The following NOS1 variants were observed in gnomAD, a reference collection of about 807,000 sequenced individuals.
The protein encoded by NOS1 is nitric oxide synthase 1, also known as NOS type I.
A neutral mutation model predicts 164.5 loss-of-function variants in NOS1; 51 were observed. That is an observed-to-expected ratio of 0.31 (90% CI 0.25 to 0.39). The LOEUF is 0.39. Ranked by LOEUF, NOS1 falls within the 10% of genes least tolerant of loss-of-function variation. The pLI is 1.00. For missense variants in NOS1, 1,362 were observed against 1,885.6 expected, an observed-to-expected ratio of 0.72 and a Z score of 5.14; for synonymous variants, 719 against 745.8, an observed-to-expected ratio of 0.96 and a Z score of 0.59.
intron 1 of NOS1, among the ~76,000 whole-genome samples, chr12:117,350,842 G>A (rs534236279): frequency 5.0e-4 from 76 of 152,186 alleles, no homozygotes; most frequent in Non-Finnish European, 6.9e-4. Flanking sequence ...GGCCGGGTGC[G>A]GTGGCTCAAG....
At chr12:117,231,762 T>C (rs765963582) in intron 22 of NOS1, among the ~76,000 whole-genome samples, 200 bp downstream of exon 22, 3 of 151,882 alleles carry the variant, frequency 2.0e-5, no homozygotes, top group African/African-American at 7.3e-5. Flanking sequence ...TTCAAGGGAG[T>C]CACTCTTGCT....
In NOS1 at chr12:117,226,747, C is replaced by T. The variant is rs765724703; in HGVS notation, c.3640G>A (p.Gly1214Ser). The change falls in exon 24 of 29, where the codon GGC (glycine) becomes AGC (serine). Residue 1214 changes from glycine (G) to serine (S), a missense_variant. Gly to Ser is a moderately conservative substitution (Grantham distance 56, BLOSUM62 0). Transcript: ENST00000317775. ...TRDGEGPIHH[G>S]VCSSWLNRIQ... ...CGGTTGAGCCAGGAGGAGCATACGCCGTGGTGAATTGGTCCTTCTCCATCT... is the reference window on the plus strand; with the variant it reads ...CGGTTGAGCCAGGAGGAGCATACGCTGTGGTGAATTGGTCCTTCTCCATCT... 2 of 1,613,960 alleles carry T rather than the reference C, an allele frequency of 1.2e-6. No homozygotes were observed. Among genetic ancestry groups the T allele is most frequent in the South Asian group, 1.1e-5 (1 of 91,064 alleles).
chr12:117,261,441 T>C (rs749952106), intron 13 of NOS1, among the ~76,000 whole-genome samples: 6 of 151,924 alleles, frequency 3.9e-5, no homozygotes, highest in Admixed American at 6.6e-5. Context: ...GCAGCTGTCA[T>C]AGGGCTCATA....
chr12:117,329,972 C>G (rs1489920310), intron 2 of NOS1, among the ~76,000 whole-genome samples: 3 of 152,308 alleles, frequency 2.0e-5, no homozygotes, highest in East Asian at 3.9e-4. Context: ...TAGGCAACCT[C>G]AGGAAGGGCA....
intron 2 of NOS1, among the ~76,000 whole-genome samples, chr12:117,314,529 A>G (rs1874586452): frequency 6.6e-6 from 1 of 152,234 alleles, no homozygotes; most frequent in Admixed American, 6.5e-5. Flanking sequence ...GGGTTATGTA[A>G]GTTTCCCAAG....
chr12:117,258,946 G>T, intron 15 of NOS1, 80 bp downstream of exon 15: 1 of 934,094 alleles, frequency 1.1e-6, no homozygotes. Context: ...AATAGCAGGT[G>T]TAGGAAGAGT....
intron 1 of NOS1, among the ~76,000 whole-genome samples, chr12:117,340,200 C>T (rs1405168402): frequency 3.3e-5 from 5 of 152,148 alleles, no homozygotes; most frequent in East Asian, 1.9e-4. Context: ...AACGGTGTCT[C>T]ACTATGTTGC....
chr12:117,273,668 A>G (rs1329264801), intron 9 of NOS1, among the ~76,000 whole-genome samples: 1 of 152,300 alleles, frequency 6.6e-6, no homozygotes, highest in East Asian at 1.9e-4. Flanking sequence ...ACAATATTTT[A>G]AAGAAACATT....
At chr12:117,242,572 G>A (rs1231033515) in intron 20 of NOS1, 55 bp downstream of exon 20, 12 of 1,415,982 alleles carry the variant, frequency 8.5e-6, no homozygotes, top group Middle Eastern at 1.7e-4. Context: ...GTCCTTCATC[G>A]TGGGTGGCAT....
chr12:117,326,881 C>T (rs1856383779), intron 2 of NOS1, among the ~76,000 whole-genome samples: 1 of 152,220 alleles, frequency 6.6e-6, no homozygotes, highest in Admixed American at 6.5e-5. Context: ...GCCTAGAGTT[C>T]TGCACCAATC....
Position 117,286,191 on chromosome 12 carries a change from G to C in NOS1, c.1203C>G (p.Leu401=), listed in dbSNP as rs939085099. The change falls in exon 6 of 29, where the codon CTC becomes CTG. Residue 401 remains leucine, a synonymous_variant. Transcript: ENST00000317775. ...CCCCATAGATGAGCTCTGTGTCCTT[G>C]AGCTGGTAAGTGCTAGTGGTGTCGA... The part of the protein sequence containing the change: ...KEIDTTSTYQ[L]KDTELIYGAK... The C allele has an allele frequency of 6.2e-7, 1 of 1,614,190 alleles. No homozygotes were observed. Among genetic ancestry groups the C allele is most frequent in the Non-Finnish European group, 8.5e-7 (1 of 1,180,044 alleles).
At position 117,282,240 on chromosome 12, in the gene NOS1, T is replaced by C. The variant is rs1271147101; in HGVS notation, c.1383-1374A>G. Among the ~76,000 whole-genome samples, 5 of 150,590 alleles carry C rather than the reference T, an allele frequency of 3.3e-5. No homozygotes were observed. The East Asian group carries it at 9.8e-4, about 30-fold the overall frequency. ...GGAAAAAAAAAAAAGGAAAGGAAAATAACTTTTTCACGATGTAGTTCAATG... is the reference window on the plus strand; with the variant it reads ...GGAAAAAAAAAAAAGGAAAGGAAAACAACTTTTTCACGATGTAGTTCAATG... On this transcript the variant is annotated intron_variant, in intron 7 of 28. Coordinates refer to ENST00000317775, the MANE Select transcript of NOS1 (RefSeq NM_000620.5).
At chr12:117,340,697 T>A (rs180713312) in intron 1 of NOS1, among the ~76,000 whole-genome samples, 72 of 151,592 alleles carry the variant, frequency 4.7e-4, no homozygotes, top group African/African-American at 1.7e-3. Context: ...TCCTGGCTAA[T>A]TTTTGTATTT....
At position 117,272,441 on chromosome 12, in the gene NOS1, C is replaced by T. The variant is rs41356652; in HGVS notation, c.1783G>A (p.Gly595Ser). 5.1e-3 allele frequency: 8,205 copies of T among 1,614,146 alleles called. 27 individuals carry two copies. The highest frequency in any genetic ancestry group is 9.6e-3 in the Middle Eastern group (58 of 6,062). Residue 595 changes from glycine to serine, a missense_variant, in exon 10 of 29, where the codon GGC becomes AGC. Coordinates refer to ENST00000317775, the MANE Select transcript of NOS1 (RefSeq NM_000620.5). This position sits in a 1 kb window ranked among gnomAD's most constrained non-coding sequence, Gnocchi z 4.3. ...SACPFSGWYM[G>S]TEIGVRDYCD... is the part of the protein sequence containing the mutation. ...TAGTCGCGGACACCAATCTCTGTGC[C>T]CATGTACCAGCCACTGAAGGGACAG...
chr12:117,348,882 C>A (rs2136091618), intron 1 of NOS1, among the ~76,000 whole-genome samples: 1 of 152,266 alleles, frequency 6.6e-6, no homozygotes, highest in South Asian at 2.1e-4. Context: ...ACCGAAACAG[C>A]ACAGTAGCGG....
At chr12:117,303,963 GA>G (rs1873987378) in intron 3 of NOS1, among the ~76,000 whole-genome samples, 2 of 152,158 alleles carry the variant, frequency 1.3e-5, no homozygotes, top group Non-Finnish European at 2.9e-5. Context: ...ACAAGGTCAG[GA>G]GATTGAGACC....
intron 8 of NOS1, among the ~76,000 whole-genome samples, chr12:117,279,734 T>C (rs1013193836): frequency 6.6e-6 from 1 of 152,228 alleles, no homozygotes; most frequent in Non-Finnish European, 1.5e-5. Context: ...GTCAGCCAAG[T>C]ACACACAGTT....
intron 13 of NOS1, among the ~76,000 whole-genome samples, chr12:117,263,193 C>T (rs542967751): frequency 1.3e-5 from 2 of 150,894 alleles, no homozygotes. Context: ...GAACTACAGG[C>T]GTGTGCTGCG....
rs1456013392 is a variant in NOS1, at chr12:117,214,843, AC to A, written c.*465del. The A allele has an allele frequency of 2.1e-6, 2 of 957,782 alleles. No individual in the cohort carries two copies. Among genetic ancestry groups the A allele is most frequent in the East Asian group, 2.3e-4 (2 of 8,620 alleles). 59.3% of individuals were successfully genotyped at this position (957,782 alleles called of 1,614,324 possible). Reference sequence around the variant, plus strand: ...CAGAGACCTGGCCCATCACACACACACACACACACACACACACACACACAGG... The same window carrying A: ...CAGAGACCTGGCCCATCACACACACAACACACACACACACACACACACAGG... On this transcript the variant is annotated 3_prime_UTR_variant, in exon 29 of 29. Transcript: ENST00000317775.
Sources: gnomAD v4.1 joint callset for allele counts (sites outside exome capture counted in the v4.1 genomes callset) on GRCh38, gnomAD v4.1.1 for gene constraint, Gnocchi (gnomAD v3.1) non-coding constraint, MANE v1.5 for transcripts, NCBI Gene and HGNC (gene_info 2026-07-23, HGNC 2026-07-21) for gene names.